Variants in XKR4 observed in about 807,000 individuals in gnomAD.
The protein encoded by XKR4 is XK related 4, also known as XK-related protein 4.
A neutral mutation model predicts 53.9 loss-of-function variants in XKR4; 12 were observed. The ratio of observed to expected loss-of-function variants is 0.22; its 90% confidence interval spans 0.14 to 0.36. The LOEUF is 0.36. Among genes scored for constraint, XKR4 ranks in the 10% least tolerant of loss-of-function variants. The probability of loss-of-function intolerance (pLI) is 1.00; values close to 1 mark genes in which losing one functional copy is unlikely to be tolerated. For synonymous variants in XKR4, 354 were observed against 362.4 expected, an observed-to-expected ratio of 0.98 and a Z score of 0.26; for missense variants, 799 against 859.5, an observed-to-expected ratio of 0.93 and a Z score of 0.88.
At chr8:55,196,383 A>G (rs1049670829) in intron 1 of XKR4, among the ~76,000 whole-genome samples, 2 of 151,908 alleles carry the variant, frequency 1.3e-5, no homozygotes, top group South Asian at 2.1e-4. Flanking sequence ...GGGTTTCTCC[A>G]TGTCGGTCAG....
intron 2 of XKR4, chr8:55,453,468 G>A (rs1563354556): frequency 2.5e-6 from 1 of 397,898 alleles, no homozygotes; most frequent in Non-Finnish European, 5.0e-6. Context: ...TCAAACACGT[G>A]GGAGATGCAG....
chr8:55,323,767 G>C (rs971168833), intron 1 of XKR4, among the ~76,000 whole-genome samples: 2 of 152,068 alleles, frequency 1.3e-5, no homozygotes, highest in Non-Finnish European at 2.9e-5. Context: ...TTAATGCTTT[G>C]TTCATTTCAG....
At chr8:55,304,349 G>C (rs1407182896) in intron 1 of XKR4, among the ~76,000 whole-genome samples, 1 of 152,184 alleles carries the variant, frequency 6.6e-6, no homozygotes, top group Non-Finnish European at 1.5e-5. Flanking sequence ...TGATTGCGCT[G>C]TGGTCTGAGA....
intron 1 of XKR4, among the ~76,000 whole-genome samples, chr8:55,228,605 T>C (rs1817989503): frequency 6.6e-6 from 1 of 152,192 alleles, no homozygotes; most frequent in Non-Finnish European, 1.5e-5. Flanking sequence ...GTAATGTTAC[T>C]ATTTGCAATT....
chr8:55,480,413 G>C (rs1806082095), intron 2 of XKR4, among the ~76,000 whole-genome samples: 1 of 152,256 alleles, frequency 6.6e-6, no homozygotes, highest in South Asian at 2.1e-4. Flanking sequence ...AAAATTATAA[G>C]AGCTATCTAT....
chr8:55,264,324 TC>T (rs1467768517), intron 1 of XKR4, among the ~76,000 whole-genome samples: 17 of 152,254 alleles, frequency 1.1e-4, no homozygotes, highest in African/African-American at 4.1e-4. Context: ...TTATTGTTTT[TC>T]TTTCTTTTCC....
chr8:55,251,734 G>A (rs16919953), intron 1 of XKR4, among the ~76,000 whole-genome samples: 1 of 151,940 alleles, frequency 6.6e-6, no homozygotes, highest in South Asian at 2.1e-4. Context: ...TACCGTTGTC[G>A]CTTATGCCTC....
intron 1 of XKR4, among the ~76,000 whole-genome samples, chr8:55,340,926 G>T (rs564266152): frequency 3.3e-5 from 5 of 152,284 alleles, no homozygotes; most frequent in African/African-American, 1.2e-4. Context: ...TGTGAAGCTG[G>T]ACCTGATAAT....
chr8:55,450,713 G>T, intron 2 of XKR4: 1 of 584,132 alleles, frequency 1.7e-6, no homozygotes, highest in South Asian at 1.6e-5. Flanking sequence ...CTGAAGCGAT[G>T]ACTGAAGGAC....
intron 2 of XKR4, among the ~76,000 whole-genome samples, chr8:55,406,492 A>G (rs760481030): frequency 2.7e-4 from 41 of 152,246 alleles, no homozygotes; most frequent in Middle Eastern, 3.4e-3. Flanking sequence ...ATATACATAA[A>G]TATATACATG....
At position 55,295,309 on chromosome 8, in the gene XKR4, A is replaced by G. The variant is rs547787211; in HGVS notation, c.807-62369A>G. Among the ~76,000 whole-genome samples, 48 of 152,306 alleles carry G rather than the reference A, an allele frequency of 3.2e-4. 1 individual carries two copies. Among genetic ancestry groups the G allele is most frequent in the African/African-American group, 1.1e-3 (47 of 41,568 alleles). Reference sequence around the variant, plus strand: ...TGAGAAGGCACAGAAAAAGGGGATCATTTCCAGCTGAGGACATCAGAGAAT... The same window carrying G: ...TGAGAAGGCACAGAAAAAGGGGATCGTTTCCAGCTGAGGACATCAGAGAAT... On this transcript the variant is annotated intron_variant, in intron 1 of 2. Transcript: ENST00000327381.
At chr8:55,225,325 A>G (rs1277566438) in intron 1 of XKR4, among the ~76,000 whole-genome samples, 3 of 152,256 alleles carry the variant, frequency 2.0e-5, no homozygotes, top group African/African-American at 4.8e-5. Flanking sequence ...TATGCATTGT[A>G]TGGCACAATT....
intron 1 of XKR4, among the ~76,000 whole-genome samples, chr8:55,180,674 GGCACCC>G (rs1817298410): frequency 6.6e-6 from 1 of 152,094 alleles, no homozygotes; most frequent in Non-Finnish European, 1.5e-5. Context: ...TGGGATTACA[GGCACCC>G]GCCACCACAC....
At chr8:55,203,047 A>G (rs1288533597) in intron 1 of XKR4, among the ~76,000 whole-genome samples, 1 of 152,220 alleles carries the variant, frequency 6.6e-6, no homozygotes, top group Non-Finnish European at 1.5e-5. Flanking sequence ...GTAGCAAGGT[A>G]CAAACAATTT....
chr8:55,344,694 C>A (rs779224277), intron 1 of XKR4, among the ~76,000 whole-genome samples: 1 of 152,092 alleles, frequency 6.6e-6, no homozygotes, highest in Non-Finnish European at 1.5e-5. Flanking sequence ...TGAGGCGATG[C>A]GAGTGCATAG....
Position 55,534,954 on chromosome 8 carries a change from A to G in XKR4, c.*10727A>G, listed in dbSNP as rs966242591. The G allele has an allele frequency of 2.0e-5, 3 of 152,044 alleles. No individual in the cohort carries two copies. The highest frequency in any genetic ancestry group is 7.2e-5 in the African/African-American group (3 of 41,394). The allele number at this position is 152,044 out of a possible 1,614,324, so 9.4% of individuals were successfully genotyped here. ...TAGATGAAAGAGTGGAAGTCATCAGATTTGTCAATAAGCAGTCTAGAGGAA... is the reference window on the plus strand; with the variant it reads ...TAGATGAAAGAGTGGAAGTCATCAGGTTTGTCAATAAGCAGTCTAGAGGAA... On this transcript the variant is annotated 3_prime_UTR_variant, in exon 3 of 3. Coordinates refer to ENST00000327381, the MANE Select transcript of XKR4 (RefSeq NM_052898.2).
chr8:55,290,588 C>T (rs752099051), intron 1 of XKR4, among the ~76,000 whole-genome samples: 2 of 152,018 alleles, frequency 1.3e-5, no homozygotes, highest in Non-Finnish European at 2.9e-5. Flanking sequence ...CCCTGCACCA[C>T]CCCCAACAGG....
intron 1 of XKR4, among the ~76,000 whole-genome samples, chr8:55,258,265 T>C (rs1456026130): frequency 6.6e-6 from 1 of 151,908 alleles, no homozygotes; most frequent in East Asian, 1.9e-4. Flanking sequence ...GGAAGAGAGG[T>C]TTGGGTGCAT....
chr8:55,255,012 A>T (rs1292723432), intron 1 of XKR4, among the ~76,000 whole-genome samples: 2 of 152,222 alleles, frequency 1.3e-5, no homozygotes, highest in Non-Finnish European at 2.9e-5. Flanking sequence ...TGCCACACCC[A>T]GTGCACCGAA....
Sources: gnomAD v4.1 joint callset for allele counts (sites outside exome capture counted in the v4.1 genomes callset) on GRCh38, gnomAD v4.1.1 for gene constraint, MANE v1.5 for transcripts, NCBI Gene and HGNC (gene_info 2026-07-23, HGNC 2026-07-21) for gene names.